FCRL5: variants seen among roughly 807,000 people sequenced by gnomAD.
FCRL5 encodes the protein Fc receptor like 5, also known as Fc receptor-like protein 5.
In FCRL5, 79 loss-of-function variants were observed where a neutral mutation model predicts 92.1. The observed-to-expected ratio is 0.86, with a 90% confidence interval of 0.72 to 1.03. The LOEUF (loss-of-function observed/expected upper bound fraction) is 1.03. Among genes scored for constraint, FCRL5 ranks in the 50% least tolerant of loss-of-function variants. FCRL5 has a pLI of 0.00. For synonymous variants in FCRL5, 466 were observed against 469.3 expected (o/e 0.99, Z 0.09); for missense variants, 1,160 against 1,181.1 (o/e 0.98, Z 0.26).
intron 5 of FCRL5, among the ~76,000 whole-genome samples, chr1:157,543,933 T>A (rs1651392676): frequency 6.6e-6 from 1 of 151,986 alleles, no homozygotes; most frequent in South Asian, 2.1e-4. Flanking sequence ...TACACCAGAG[T>A]CAGAGAGCTA....
At position 157,518,770 on chromosome 1, in the gene FCRL5, G is replaced by A. The variant is rs1480981712; in HGVS notation, c.2673C>T (p.Asp891=). The part of the protein sequence containing the change: ...PASDPARSPS[D]SDSQEPTYHN... ...GATAGGTGGGCTCTTGGGAGTCCGA[G>A]TCTGAAGGGCTCCTGTGAGACAGAG... The change falls in exon 14 of 17, where the codon GAC becomes GAT. Residue 891 remains aspartate, a synonymous_variant. Coordinates refer to ENST00000361835, the MANE Select transcript of FCRL5 (RefSeq NM_031281.3). The A allele has an allele frequency of 1.2e-6, 2 of 1,612,390 alleles. No individual in the cohort carries two copies. The highest frequency in any genetic ancestry group is 1.7e-6 in the Non-Finnish European group (2 of 1,179,428).
chr1:157,537,570 TTAC>T (rs1651027724), intron 7 of FCRL5, among the ~76,000 whole-genome samples: 1 of 152,214 alleles, frequency 6.6e-6, no homozygotes, highest in Admixed American at 6.5e-5. Context: ...TGATATTTTA[TTAC>T]TTTGTGAAGC....
At position 157,514,545 on chromosome 1, in the gene FCRL5, C is replaced by T. The variant is rs58039254; in HGVS notation, c.*1130G>A. Reference sequence around the variant, plus strand: ...CCCTGGGCAGCCAGAGCCACACATTCCCTCTCCATGGGCCTCTGCTGAGAC... The same window carrying T: ...CCCTGGGCAGCCAGAGCCACACATTTCCTCTCCATGGGCCTCTGCTGAGAC... On this transcript the variant is annotated 3_prime_UTR_variant, in exon 17 of 17. Transcript: ENST00000361835. 1 of 152,270 alleles carries T rather than the reference C, an allele frequency of 6.6e-6. No individual in the cohort carries two copies. The highest frequency in any genetic ancestry group is 6.5e-5 in the Admixed American group (1 of 15,290). 9.4% of individuals were successfully genotyped at this position (152,270 alleles called of 1,614,324 possible).
chr1:157,514,904 C>CAA lies in FCRL5; in HGVS notation c.*769_*770dup, dbSNP rs1649852949. On this transcript the variant is annotated 3_prime_UTR_variant, in exon 17 of 17. Coordinates refer to ENST00000361835, the MANE Select transcript of FCRL5 (RefSeq NM_031281.3). The stretch of plus-strand genomic sequence containing the variant: ...TCATTCATTCATTCAGTCAGTCAGT[C>CAA]AAATAGTAATTGAGCACCTCCTGTG... The CAA allele has an allele frequency of 6.6e-6, 1 of 152,330 alleles. No individual in the cohort carries two copies. Among genetic ancestry groups the CAA allele is most frequent in the Admixed American group, 6.5e-5 (1 of 15,292 alleles). 9.4% of individuals were successfully genotyped at this position (152,330 alleles called of 1,614,324 possible).
intron 1 of FCRL5, among the ~76,000 whole-genome samples, chr1:157,552,123 G>GT (rs1370230549): frequency 3.5e-4 from 53 of 152,144 alleles, no homozygotes; most frequent in Non-Finnish European, 3.7e-4. Context: ...TTCCTACTCT[G>GT]TAAGATTGAA....
rs116127375 is a variant in FCRL5, at chr1:157,543,313, A to G, written c.845-176T>C. On this transcript the variant is annotated intron_variant, in intron 5 of 16. Transcript: ENST00000361835. ...CTTCCTTCTGCCCTATGACTATGGA[A>G]TGTTGCACCTGAAGTGCCCAATTAT... 3.2e-3 allele frequency among the ~76,000 whole-genome samples: 480 copies of G among 152,322 alleles called. 5 individuals carry two copies. The highest frequency in any genetic ancestry group is 0.011 in the African/African-American group (459 of 41,574).
chr1:157,545,857 TC>T (rs1651511564), intron 3 of FCRL5, among the ~76,000 whole-genome samples: 1 of 152,192 alleles, frequency 6.6e-6, no homozygotes, highest in African/African-American at 2.4e-5. Flanking sequence ...CATGTTAAGG[TC>T]TGCCATTTTC....
At chr1:157,523,876 G>A (rs1888873) in intron 10 of FCRL5, 15,772 of 251,912 alleles carry the variant, frequency 0.063, 1,768 homozygotes, top group African/African-American at 0.27. Flanking sequence ...TAATGAAAGA[G>A]ACTCAAGAGT....
At chr1:157,549,532 C>T (rs765827577) in intron 2 of FCRL5, 28 bp downstream of exon 2, 1 of 1,606,412 alleles carries the variant, frequency 6.2e-7, no homozygotes, top group East Asian at 2.2e-5. Context: ...ACCAGAGACG[C>T]TGAAGAGCCA....
chr1:157,517,047 C>T (rs1167168975), intron 15 of FCRL5, among the ~76,000 whole-genome samples: 1 of 152,206 alleles, frequency 6.6e-6, no homozygotes, highest in Non-Finnish European at 1.5e-5. Context: ...GGGAAGCACA[C>T]TGGCTAAAAT....
At chr1:157,547,332 C>G (rs2101648564) in intron 2 of FCRL5, 135 bp from the exon 3 acceptor site, 2 of 1,185,626 alleles carry the variant, frequency 1.7e-6, no homozygotes, top group South Asian at 2.5e-5. Context: ...ACTGATAGCT[C>G]AAAGCTCCCT....
At position 157,514,780 on chromosome 1, in the gene FCRL5, C is replaced by T. The variant is rs1649848435; in HGVS notation, c.*895G>A. On this transcript the variant is annotated 3_prime_UTR_variant, in exon 17 of 17. Transcript: ENST00000361835. ...CAGTTTCCTCATCCAAGCTCCTTCT[C>T]TTCCATTGTTTCTTAGGGAAGCCAG... The T allele has an allele frequency of 6.6e-6, 1 of 152,270 alleles. No homozygotes were observed. Among genetic ancestry groups the T allele is most frequent in the South Asian group, 2.1e-4 (1 of 4,834 alleles). The allele number at this position is 152,270 out of a possible 1,614,324, so 9.4% of individuals were successfully genotyped here.
chr1:157,551,825 C>A (rs540605417), intron 1 of FCRL5, among the ~76,000 whole-genome samples: 2 of 152,242 alleles, frequency 1.3e-5, no homozygotes, highest in Non-Finnish European at 2.9e-5. Flanking sequence ...TACGCCTCTG[C>A]GACCTCCTCC....
At chr1:157,549,048 A>T (rs1239653821) in intron 2 of FCRL5, among the ~76,000 whole-genome samples, 1 of 152,144 alleles carries the variant, frequency 6.6e-6, no homozygotes, top group Non-Finnish European at 1.5e-5. Flanking sequence ...ATGTCCAACA[A>T]TGATAGACTG....
intron 7 of FCRL5, among the ~76,000 whole-genome samples, chr1:157,536,214 T>C (rs1172867686): frequency 6.6e-6 from 1 of 152,148 alleles, no homozygotes; most frequent in Admixed American, 6.5e-5. Context: ...AGTGCTGGAA[T>C]TACAGGCATG....
intron 1 of FCRL5, among the ~76,000 whole-genome samples, chr1:157,550,148 G>C (rs528697518): frequency 1.3e-4 from 20 of 152,228 alleles, no homozygotes; most frequent in Non-Finnish European, 2.4e-4. Context: ...AAATGACATT[G>C]GTGCTCAGGA....
chr1:157,547,960 T>C (rs1324591548), intron 2 of FCRL5, among the ~76,000 whole-genome samples: 1 of 152,234 alleles, frequency 6.6e-6, no homozygotes, highest in Admixed American at 6.5e-5. Flanking sequence ...AGTTATTGGA[T>C]GTCCTGGAGG....
At chr1:157,524,218 T>G (rs1011552476) in intron 10 of FCRL5, 61 bp downstream of exon 10, 18 of 1,582,564 alleles carry the variant, frequency 1.1e-5, no homozygotes, top group Non-Finnish European at 1.6e-5. Flanking sequence ...CATTTTCAGC[T>G]GCAGGGAGAA....
chr1:157,546,091 C>T, intron 3 of FCRL5: 1 of 246,270 alleles, frequency 4.1e-6, no homozygotes. Flanking sequence ...TATGCATTAT[C>T]TACCCATAAG....
Sources: allele counts gnomAD v4.1 joint callset (sites outside exome capture counted in the v4.1 genomes callset), GRCh38; gene constraint gnomAD v4.1.1; transcripts MANE v1.5; gene names NCBI Gene and HGNC (gene_info 2026-07-23, HGNC 2026-07-21).